FAF1: variants seen among roughly 807,000 people sequenced by gnomAD.
FAF1 encodes the protein FAS-associated factor 1.
FAF1 carries 25 observed loss-of-function variants against 92.5 expected under a neutral mutation model. The ratio of observed to expected loss-of-function variants is 0.27; its 90% confidence interval spans 0.20 to 0.38. The LOEUF is 0.38. Ranked by LOEUF, FAF1 falls within the 10% of genes least tolerant of loss-of-function variation. FAF1 has a pLI of 1.00. For synonymous variants in FAF1, 234 were observed against 273.2 expected (o/e 0.86, Z 1.42); for missense variants, 636 against 793.3 (o/e 0.80, Z 2.38).
intron 15 of FAF1, among the ~76,000 whole-genome samples, chr1:50,508,535 C>T (rs1398352717): frequency 6.6e-6 from 1 of 152,022 alleles, no homozygotes; most frequent in African/African-American, 2.4e-5. Flanking sequence ...CATGCAAATC[C>T]CTCAAGACAG....
chr1:50,550,207 C>T (rs962894956), intron 13 of FAF1, among the ~76,000 whole-genome samples: 58 of 151,724 alleles, frequency 3.8e-4, no homozygotes, highest in African/African-American at 1.3e-3. Context: ...AAAAATTAGC[C>T]GGGCATGGTG....
chr1:50,858,230 A>C (rs940412226), intron 1 of FAF1, among the ~76,000 whole-genome samples: 4 of 151,864 alleles, frequency 2.6e-5, no homozygotes, highest in Admixed American at 2.6e-4. Context: ...CAGGAAAAGA[A>C]AGTATATTTA....
intron 9 of FAF1, among the ~76,000 whole-genome samples, chr1:50,588,034 C>T (rs1416889577): frequency 2.6e-5 from 4 of 152,138 alleles, no homozygotes; most frequent in Admixed American, 2.0e-4. Flanking sequence ...TGCCTGTAAT[C>T]CCAGCACTTT....
At chr1:50,855,654 T>C (rs1462596027) in intron 2 of FAF1, among the ~76,000 whole-genome samples, 2 of 151,906 alleles carry the variant, frequency 1.3e-5, no homozygotes, top group East Asian at 3.9e-4. Flanking sequence ...AATATTTGTT[T>C]CATTTTTAAA....
chr1:50,755,042 C>T (rs535217891), intron 4 of FAF1, among the ~76,000 whole-genome samples: 143 of 152,232 alleles, frequency 9.4e-4, no homozygotes, highest in African/African-American at 3.2e-3. Context: ...TATCATTCTG[C>T]CCCTGGCCCC....
intron 4 of FAF1, among the ~76,000 whole-genome samples, chr1:50,757,743 T>A (rs907000164): frequency 3.3e-5 from 5 of 152,178 alleles, no homozygotes; most frequent in African/African-American, 1.2e-4. Context: ...CATTTATATG[T>A]ATTATAATTA....
At chr1:50,943,220 T>C (rs1645147968) in intron 1 of FAF1, among the ~76,000 whole-genome samples, 1 of 152,180 alleles carries the variant, frequency 6.6e-6, no homozygotes, top group African/African-American at 2.4e-5. Flanking sequence ...GTATCATACA[T>C]CATTTAATTA....
intron 7 of FAF1, among the ~76,000 whole-genome samples, chr1:50,673,975 G>C (rs1435824456): frequency 6.6e-6 from 1 of 151,334 alleles, no homozygotes; most frequent in Non-Finnish European, 1.5e-5. Context: ...TTTTGACATG[G>C]AGTCTTGCTC....
At chr1:50,555,520 C>G in intron 13 of FAF1, among the ~76,000 whole-genome samples, 1 of 152,076 alleles carries the variant, frequency 6.6e-6, no homozygotes, top group Admixed American at 6.6e-5. Context: ...CTCAATATCA[C>G]TAATCATCAG....
intron 2 of FAF1, among the ~76,000 whole-genome samples, chr1:50,825,166 AT>A (rs1375756678): frequency 6.6e-6 from 1 of 152,096 alleles, no homozygotes; most frequent in Non-Finnish European, 1.5e-5. Context: ...CTGATTACTG[AT>A]TGTATCATTA....
intron 17 of FAF1, among the ~76,000 whole-genome samples, chr1:50,479,733 T>C (rs1646678717): frequency 6.6e-6 from 1 of 152,184 alleles, no homozygotes; most frequent in South Asian, 2.1e-4. Context: ...ACTTCATTCA[T>C]TATACAGACA....
In FAF1 at chr1:50,857,971, G is replaced by C; in HGVS notation, c.72C>G (p.Asp24Glu). ...FQACTGIENI[D>E]EAITLLEQNN... is the part of the protein sequence containing the mutation. Reference sequence around the variant, plus strand: ...TTTGTTCAAGCAATGTAATAGCTTCGTCAATGTTTTCAATGCCAGTACATG... The same window carrying C: ...TTTGTTCAAGCAATGTAATAGCTTCCTCAATGTTTTCAATGCCAGTACATG... Residue 24 changes from aspartate (D) to glutamate (E), a missense_variant, in exon 2 of 19, where the codon GAC becomes GAG. Physicochemically the swap from Asp to Glu is conservative, Grantham distance 45. Transcript: ENST00000396153. 1 of 1,601,550 alleles carries C rather than the reference G, an allele frequency of 6.2e-7. No homozygotes were observed. Among genetic ancestry groups the C allele is most frequent in the Non-Finnish European group, 8.5e-7 (1 of 1,173,652 alleles).
intron 8 of FAF1, among the ~76,000 whole-genome samples, chr1:50,652,600 T>C (rs994987753): frequency 1.3e-5 from 2 of 152,210 alleles, no homozygotes; most frequent in African/African-American, 4.8e-5. Context: ...CTTTAAACTT[T>C]TTATTATGAA....
chr1:50,817,431 G>A, intron 2 of FAF1, among the ~76,000 whole-genome samples: 1 of 152,202 alleles, frequency 6.6e-6, no homozygotes, highest in Non-Finnish European at 1.5e-5. Context: ...GGTAATGAGA[G>A]TAGTCAAAAT....
chr1:50,743,313 ATATT>A (rs2124493734), intron 5 of FAF1, among the ~76,000 whole-genome samples: 1 of 152,236 alleles, frequency 6.6e-6, no homozygotes, highest in East Asian at 1.9e-4. Flanking sequence ...TGAAGTTTTT[ATATT>A]TTTATTTATT....
intron 9 of FAF1, among the ~76,000 whole-genome samples, chr1:50,592,321 C>G (rs1014109180): frequency 6.6e-6 from 1 of 152,010 alleles, no homozygotes; most frequent in Non-Finnish European, 1.5e-5. Flanking sequence ...TCACTGTCAA[C>G]TGAGAACTGA....
intron 1 of FAF1, among the ~76,000 whole-genome samples, chr1:50,922,166 CA>C (rs764328893): frequency 1.0e-4 from 12 of 116,948 alleles, no homozygotes; most frequent in East Asian, 2.6e-4. Context: ...GACTCCGTCT[CA>C]AAAAAAAAAG....
chr1:50,806,980 GCA>G (rs1473280070), intron 2 of FAF1, among the ~76,000 whole-genome samples: 1 of 152,198 alleles, frequency 6.6e-6, no homozygotes, highest in Admixed American at 6.5e-5. Context: ...ACTCAAAAAA[GCA>G]CAGTGTCTTC....
intron 15 of FAF1, among the ~76,000 whole-genome samples, chr1:50,532,727 T>C (rs1436772501): frequency 1.3e-5 from 2 of 152,208 alleles, no homozygotes; most frequent in Non-Finnish European, 2.9e-5. Flanking sequence ...CTCTATAAAC[T>C]AATTACAGTG....
Sources: gnomAD v4.1 joint callset for allele counts (sites outside exome capture counted in the v4.1 genomes callset) on GRCh38, gnomAD v4.1.1 for gene constraint, MANE v1.5 for transcripts, NCBI Gene and HGNC (gene_info 2026-07-23, HGNC 2026-07-21) for gene names.